GRID1: variants seen among roughly 807,000 people sequenced by gnomAD.
GRID1 encodes the protein glutamate ionotropic receptor delta type subunit 1, also known as glutamate receptor ionotropic, delta-1.
GRID1 carries 28 observed loss-of-function variants against 98.0 expected under a neutral mutation model. That is an observed-to-expected ratio of 0.29 (90% CI 0.21 to 0.39). The LOEUF (loss-of-function observed/expected upper bound fraction) is 0.39, where lower values mean the gene tolerates loss of function less well. Among genes scored for constraint, GRID1 ranks in the 10% least tolerant of loss-of-function variants. GRID1 has a pLI of 1.00. For missense variants in GRID1, 1,111 were observed against 1,340.5 expected, an observed-to-expected ratio of 0.83 and a Z score of 2.67; for synonymous variants, 553 against 538.5, an observed-to-expected ratio of 1.03 and a Z score of -0.37.
At chr10:85,665,733 T>C (rs373688191) in intron 12 of GRID1, among the ~76,000 whole-genome samples, 2 of 152,196 alleles carry the variant, frequency 1.3e-5, no homozygotes, top group African/African-American at 4.8e-5. Flanking sequence ...ACACCTTTTT[T>C]CTCTCCCTTC....
chr10:86,085,383 G>A (rs944686051), intron 4 of GRID1, among the ~76,000 whole-genome samples: 6 of 152,192 alleles, frequency 3.9e-5, no homozygotes, highest in Admixed American at 6.5e-5. Context: ...AGAAGTTAGG[G>A]TGGAACTGGC....
At chr10:86,200,757 G>T (rs536686309) in intron 3 of GRID1, among the ~76,000 whole-genome samples, 3 of 151,448 alleles carry the variant, frequency 2.0e-5, no homozygotes, top group Non-Finnish European at 4.4e-5. Context: ...TTAAAAACAG[G>T]CAAAAAAATC....
intron 4 of GRID1, among the ~76,000 whole-genome samples, chr10:86,012,527 A>C (rs1010121621): frequency 2.0e-5 from 3 of 152,216 alleles, no homozygotes; most frequent in Non-Finnish European, 2.9e-5. Context: ...ATGAATACTT[A>C]ATACTTCTTA....
intron 4 of GRID1, among the ~76,000 whole-genome samples, chr10:85,970,222 C>T (rs554590539): frequency 5.7e-4 from 86 of 152,068 alleles, no homozygotes; most frequent in Middle Eastern, 3.4e-3. Flanking sequence ...TCTTCACTGG[C>T]GAATTCTTTC....
At chr10:85,975,594 C>T (rs1185700190) in intron 4 of GRID1, among the ~76,000 whole-genome samples, 2 of 152,174 alleles carry the variant, frequency 1.3e-5, no homozygotes, top group South Asian at 2.1e-4. Context: ...AGCTGAATGG[C>T]CTCCCTGCGG....
At chr10:85,961,724 C>T (rs1842269939) in intron 4 of GRID1, among the ~76,000 whole-genome samples, 1 of 151,920 alleles carries the variant, frequency 6.6e-6, no homozygotes, top group African/African-American at 2.4e-5. Flanking sequence ...TTCCTTTCTT[C>T]CTTCCTTCCC....
intron 8 of GRID1, among the ~76,000 whole-genome samples, chr10:85,837,166 T>A (rs1842918268): frequency 6.6e-6 from 1 of 151,630 alleles, no homozygotes; most frequent in South Asian, 2.1e-4. Context: ...TAGTGTCCCA[T>A]ACTTGTGCTA....
intron 4 of GRID1, among the ~76,000 whole-genome samples, chr10:86,086,076 C>T (rs1337322599): frequency 6.6e-6 from 1 of 152,172 alleles, no homozygotes; most frequent in Non-Finnish European, 1.5e-5. Context: ...CCAGGGCTGA[C>T]CTATGCTCTT....
intron 13 of GRID1, among the ~76,000 whole-genome samples, chr10:85,636,030 G>T (rs1426269788): frequency 7.2e-5 from 11 of 152,188 alleles, no homozygotes; most frequent in Non-Finnish European, 4.4e-5. Flanking sequence ...TAATGAACTG[G>T]TTGTGCTGAA....
intron 13 of GRID1, among the ~76,000 whole-genome samples, chr10:85,632,032 C>T (rs1415009094): frequency 1.3e-5 from 2 of 151,818 alleles, no homozygotes; most frequent in Non-Finnish European, 2.9e-5. Context: ...TAAGCTTGAC[C>T]ATGCATGTCC....
At chr10:85,865,958 GAGAGAGAGAGA>G (rs1843215817) in intron 6 of GRID1, among the ~76,000 whole-genome samples, 1 of 7,916 alleles carries the variant, frequency 1.3e-4, no homozygotes, top group Non-Finnish European at 2.3e-4. Context: ...TATATATGGA[GAGAGAGAGAGA>G]GAGAGAGAGA....
At chr10:86,169,322 G>A (rs1414677184) in intron 3 of GRID1, among the ~76,000 whole-genome samples, 1 of 151,888 alleles carries the variant, frequency 6.6e-6, no homozygotes, top group Non-Finnish European at 1.5e-5. Context: ...TGGTATGCTA[G>A]GAGAGGTTTA....
intron 4 of GRID1, among the ~76,000 whole-genome samples, chr10:86,075,112 C>T (rs561794253): frequency 2.5e-4 from 36 of 146,474 alleles, no homozygotes; most frequent in African/African-American, 5.1e-4. Context: ...CCATGGTCCC[C>T]GCGGAAGGCT....
At chr10:85,670,723 CACTAG>C (rs1212117583) in intron 12 of GRID1, among the ~76,000 whole-genome samples, 1 of 152,138 alleles carries the variant, frequency 6.6e-6, no homozygotes, top group Non-Finnish European at 1.5e-5. Flanking sequence ...CTGGGTGGGT[CACTAG>C]ACTACACAGA....
intron 12 of GRID1, among the ~76,000 whole-genome samples, chr10:85,662,148 A>G (rs1840971720): frequency 6.6e-6 from 1 of 152,178 alleles, no homozygotes; most frequent in African/African-American, 2.4e-5. Context: ...CACTCAGCAG[A>G]TGTTGCATCC....
At chr10:86,000,366 C>A (rs1414368226) in intron 4 of GRID1, among the ~76,000 whole-genome samples, 1 of 152,158 alleles carries the variant, frequency 6.6e-6, no homozygotes, top group Non-Finnish European at 1.5e-5. Context: ...GGATGCCAAT[C>A]CTCTCCAAAT....
At chr10:85,820,934 A>G (rs1842764174) in intron 8 of GRID1, among the ~76,000 whole-genome samples, 1 of 152,212 alleles carries the variant, frequency 6.6e-6, no homozygotes, top group Non-Finnish European at 1.5e-5. Context: ...GGAAATATAA[A>G]TATATATCCA....
intron 4 of GRID1, among the ~76,000 whole-genome samples, chr10:86,053,646 GC>G (rs1843534305): frequency 6.6e-6 from 1 of 152,144 alleles, no homozygotes; most frequent in African/African-American, 2.4e-5. Flanking sequence ...GAGCCACCAT[GC>G]CTGGCCTTTA....
intron 3 of GRID1, among the ~76,000 whole-genome samples, chr10:86,199,191 A>T (rs1362184437): frequency 6.6e-6 from 1 of 152,086 alleles, no homozygotes; most frequent in Non-Finnish European, 1.5e-5. Context: ...GTCCACTCAG[A>T]TACACACACA....
Sources: gnomAD v4.1 joint callset for allele counts (sites outside exome capture counted in the v4.1 genomes callset) on GRCh38, gnomAD v4.1.1 for gene constraint, MANE v1.5 for transcripts, NCBI Gene and HGNC (gene_info 2026-07-23, HGNC 2026-07-21) for gene names.